ACAN: variants seen among roughly 807,000 people sequenced by gnomAD.
ACAN encodes the protein aggrecan, also known as aggrecan core protein.
In ACAN, 47 loss-of-function variants were observed where a neutral mutation model predicts 169.1. That is an observed-to-expected ratio of 0.28 (90% CI 0.22 to 0.35). The LOEUF is 0.35. Ranked by LOEUF, ACAN falls within the 10% of genes least tolerant of loss-of-function variation. The pLI is 1.00. For synonymous variants in ACAN, 1,115 were observed against 1,112.2 expected, an observed-to-expected ratio of 1.00 and a Z score of -0.05; for missense variants, 2,716 against 2,759.9, an observed-to-expected ratio of 0.98 and a Z score of 0.36.
chr15:88,817,209 T>C (rs1275676541), intron 1 of ACAN, among the ~76,000 whole-genome samples: 3 of 152,216 alleles, frequency 2.0e-5, no homozygotes, highest in Non-Finnish European at 4.4e-5. Context: ...TGGTGCGATC[T>C]TGGCTCGCTG....
intron 5 of ACAN, among the ~76,000 whole-genome samples, chr15:88,842,808 C>T (rs1896699262): frequency 6.6e-6 from 1 of 152,172 alleles, no homozygotes; most frequent in Non-Finnish European, 1.5e-5. Flanking sequence ...TTACCCCTTA[C>T]CCTTACCCCT....
chr15:88,813,931 G>C (rs778667871), intron 1 of ACAN, among the ~76,000 whole-genome samples: 5 of 152,186 alleles, frequency 3.3e-5, no homozygotes, highest in Non-Finnish European at 7.3e-5. Flanking sequence ...TGACCCTCCA[G>C]CTCCCTCTGG....
rs756133965 is a variant in ACAN, at chr15:88,858,455, G to T, written c.5870G>T (p.Gly1957Val). 2 of 1,613,544 alleles carry T rather than the reference G, an allele frequency of 1.2e-6. No homozygotes were observed. Among genetic ancestry groups the T allele is most frequent in the Admixed American group, 1.7e-5 (1 of 59,996 alleles). Residue 1957 changes from glycine (G) to valine (V), a missense_variant, in exon 12 of 19, where the codon GGG (glycine) becomes GTG (valine). Physicochemically the swap from Gly to Val is moderately radical, Grantham distance 109 (BLOSUM62 -3). This residue lies in a region of ACAN where 1,389 missense variants were observed against 1,363.7 expected (regional missense o/e 1.02). Transcript: ENST00000560601. This position sits in a 1 kb window ranked among gnomAD's most constrained non-coding sequence, Gnocchi z 4.0. ...CCAACAGCCCAAGAGGCAGGAGAAG[G>T]GCCTTCTGGCATTTTAGAACTCAGT... is the stretch of plus-strand genomic sequence containing the variant. ...QAPTAQEAGE[G>V]PSGILELSGA...
At chr15:88,824,848 C>T (rs570532677) in intron 1 of ACAN, among the ~76,000 whole-genome samples, 2 of 151,272 alleles carry the variant, frequency 1.3e-5, no homozygotes, top group Non-Finnish European at 1.5e-5. Context: ...AGGCCTTCAG[C>T]ACCACTGCAC....
rs1897084790 is a variant in ACAN, at chr15:88,857,543, C to T, written c.4958C>T (p.Pro1653Leu). ...GGCCTGCCTGACTTTAGTGGACTTCCATCTGGATTCCCAACTGTTTCCCTA... is the reference window on the plus strand; with the variant it reads ...GGCCTGCCTGACTTTAGTGGACTTCTATCTGGATTCCCAACTGTTTCCCTA... ...PSGLPDFSGL[P>L]SGFPTVSLVD... Residue 1653 changes from proline (P) to leucine (L), a missense_variant, in exon 12 of 19, where the codon CCA becomes CTA. By Grantham distance (98) the Pro-to-Leu change is moderately conservative. Coordinates refer to ENST00000560601, the MANE Select transcript of ACAN (RefSeq NM_001369268.1). 6.2e-7 allele frequency: 1 copy of T among 1,613,978 alleles called. No homozygotes were observed. The highest frequency in any genetic ancestry group is 1.3e-5 in the African/African-American group (1 of 75,072).
rs80193673 is a variant in ACAN, at chr15:88,848,316, A to G, written c.1732+278A>G. Among the ~76,000 whole-genome samples, 4,151 of 152,342 alleles carry G rather than the reference A, an allele frequency of 0.027. 196 individuals carry two copies. The highest frequency in any genetic ancestry group is 0.095 in the African/African-American group (3,955 of 41,576). On this transcript the variant is annotated intron_variant, in intron 9 of 18. Coordinates refer to ENST00000560601, the MANE Select transcript of ACAN (RefSeq NM_001369268.1). ...GCAATGAGGTCTGTGGGTAAATCTCAGTTTATTATAAATAAACGCTATATA... is the reference window on the plus strand; with the variant it reads ...GCAATGAGGTCTGTGGGTAAATCTCGGTTTATTATAAATAAACGCTATATA...
In ACAN at chr15:88,873,795, C is replaced by T; in HGVS notation, c.7448-47C>T. On this transcript the variant is annotated intron_variant, in intron 17 of 18. Coordinates refer to ENST00000560601, the MANE Select transcript of ACAN (RefSeq NM_001369268.1). The surrounding 1 kb of genome is among the most constrained non-coding windows in gnomAD (Gnocchi z 7.5). ...TCGGGTCACAACCAGCATAGGTCAT[C>T]CCAGGAGACCCTATGAGACCCTTTA... 2 of 1,593,070 alleles carry T rather than the reference C, an allele frequency of 1.3e-6. No individual in the cohort carries two copies. The highest frequency in any genetic ancestry group is 1.7e-6 in the Non-Finnish European group (2 of 1,167,010).
chr15:88,810,447 C>T (rs926770786), intron 1 of ACAN, among the ~76,000 whole-genome samples: 7 of 152,088 alleles, frequency 4.6e-5, no homozygotes, highest in East Asian at 1.9e-4. Context: ...TCGCCTCAGC[C>T]GCCGCCTCGG....
In ACAN at chr15:88,859,162, G is replaced by A. The variant is rs1023093737; in HGVS notation, c.6577G>A (p.Gly2193Arg). 4.3e-5 allele frequency: 69 copies of A among 1,613,738 alleles called. No homozygotes were observed. Among genetic ancestry groups the A allele is most frequent in the Non-Finnish European group, 5.7e-5 (67 of 1,179,906 alleles). Residue 2193 changes from glycine (G) to arginine (R), a missense_variant, in exon 12 of 19, where the codon GGA becomes AGA. Transcript: ENST00000560601. The stretch of plus-strand genomic sequence containing the variant: ...GCCTTCAGCCACTCCCACGGCTTCT[G>A]GAGACAGGACTGAAATCAGCGGAGA... ...GLPSATPTAS[G>R]DRTEISGDLS... is the part of the protein sequence containing the mutation.
chr15:88,830,750 T>C (rs987800128), intron 1 of ACAN, among the ~76,000 whole-genome samples: 4 of 152,112 alleles, frequency 2.6e-5, no homozygotes, highest in African/African-American at 4.8e-5. Context: ...AGTGACTGAG[T>C]GGTGAGTGAA....
chr15:88,863,637 A>C lies in ACAN; in HGVS notation c.6946+3198A>C, dbSNP rs79597568. The stretch of plus-strand genomic sequence containing the variant: ...GGAGGGCACGACCTTAAACTGAATC[A>C]GTTTCCTTCCTATCTTACTGCTATT... On this transcript the variant is annotated intron_variant, in intron 13 of 18. Transcript: ENST00000560601. Among the ~76,000 whole-genome samples the C allele has an allele frequency of 3.6e-3, 542 of 152,290 alleles. 4 individuals carry two copies. Among genetic ancestry groups the C allele is most frequent in the Middle Eastern group, 0.014 (4 of 294 alleles).
At chr15:88,841,038 G>T (rs534833648) in intron 4 of ACAN, among the ~76,000 whole-genome samples, 5 of 152,182 alleles carry the variant, frequency 3.3e-5, no homozygotes, top group African/African-American at 1.2e-4. Context: ...CCAGCTACTC[G>T]GGAGGCTGAG....
chr15:88,824,560 A>G (rs1896161450), intron 1 of ACAN, among the ~76,000 whole-genome samples: 1 of 152,144 alleles, frequency 6.6e-6, no homozygotes, highest in East Asian at 1.9e-4. Flanking sequence ...TGAACAAACA[A>G]AAAAGGACAA....
chr15:88,822,302 A>C (rs1896096571), intron 1 of ACAN, among the ~76,000 whole-genome samples: 1 of 152,202 alleles, frequency 6.6e-6, no homozygotes, highest in South Asian at 2.1e-4. Context: ...CAAGGGCCCA[A>C]CCTTTCTTCG....
At position 88,840,017 on chromosome 15, in the gene ACAN, G is replaced by A. The variant is rs370113313; in HGVS notation, c.460G>A (p.Val154Met). 1.9e-6 allele frequency: 3 copies of A among 1,598,904 alleles called. No homozygotes were observed. Among genetic ancestry groups the A allele is most frequent in the African/African-American group, 1.3e-5 (1 of 74,688 alleles). The change falls in exon 4 of 19, where the codon GTG becomes ATG. Residue 154 changes from valine (V) to methionine (M), a missense_variant. By Grantham distance (21) the Val-to-Met change is conservative (BLOSUM62 1). This residue lies in a region of ACAN where 1,283 missense variants were observed against 1,281.5 expected (regional missense o/e 1.00). Transcript: ENST00000560601. ...GGCGTGTATGTGTCTTGCAGGCATC[G>A]TGTTCCATTACAGAGCCATCTCTAC... ...ATLEVVVKGI[V>M]FHYRAISTRY...
In ACAN at chr15:88,859,193, C is replaced by T. The variant is rs1401931505; in HGVS notation, c.6608C>T (p.Ser2203Phe). 2 of 1,613,798 alleles carry T rather than the reference C, an allele frequency of 1.2e-6. No individual in the cohort carries two copies. Among genetic ancestry groups the T allele is most frequent in the Admixed American group, 3.3e-5 (2 of 60,010 alleles). The change falls in exon 12 of 19, where the codon TCT (serine) becomes TTT (phenylalanine). Residue 2203 changes from serine to phenylalanine, a missense_variant. By Grantham distance (155) the Ser-to-Phe change is radical. Coordinates refer to ENST00000560601, the MANE Select transcript of ACAN (RefSeq NM_001369268.1). ...GDRTEISGDL[S>F]GHTSQLGVVI... is the part of the protein sequence containing the mutation. ...AGGACTGAAATCAGCGGAGACCTGT[C>T]TGGTCACACCTCGCAGCTGGGCGTT...
At position 88,874,105 on chromosome 15, in the gene ACAN, G is replaced by T. The variant is rs752987109; in HGVS notation, c.7630+81G>T. ...CCTTCCCCCCGTCCCCTCTCCTGGG[G>T]ACCCTACACCGTCCACAGGGTTGAG... is the stretch of plus-strand genomic sequence containing the variant. On this transcript the variant is annotated intron_variant, in intron 18 of 18. Transcript: ENST00000560601. The surrounding 1 kb of genome is among the most constrained non-coding windows in gnomAD (Gnocchi z 7.3). The T allele has an allele frequency of 1.3e-6, 2 of 1,551,908 alleles. No individual in the cohort carries two copies. The highest frequency in any genetic ancestry group is 1.1e-5 in the South Asian group (1 of 87,102).
rs767359295 is a variant in ACAN at position 88,857,902 on chromosome 15, C to A, written c.5317C>A (p.Leu1773Ile). 42 of 1,613,332 alleles carry A rather than the reference C, an allele frequency of 2.6e-5. No homozygotes were observed. In the Middle Eastern group the frequency reaches 4.9e-4, roughly 19 times the overall value. ...TATTAGTGGAGAAGCATCTGGAGTTCTTTATGGCACTAGTCAACCCTTTGG... is the reference window on the plus strand; with the variant it reads ...TATTAGTGGAGAAGCATCTGGAGTTATTTATGGCACTAGTCAACCCTTTGG... ...PGISGEASGV[L>I]YGTSQPFGIT... Residue 1773 changes from leucine to isoleucine, a missense_variant, in exon 12 of 19, where the codon CTT becomes ATT. Physicochemically the swap from Leu to Ile is conservative, Grantham distance 5. Around this residue, in one of 3 missense-constraint regions of ACAN, gnomAD observed 1,389 missense variants for 1,363.7 expected, o/e 1.02. Transcript: ENST00000560601.
At position 88,859,431 on chromosome 15, in the gene ACAN, T is replaced by A. The variant is rs1334115128; in HGVS notation, c.6832+14T>A. ...CAACTGCTGCAGGTATTGTGATTTT[T>A]TCCCCCTTTAAATGTGCTTAGGTAG... On this transcript the variant is annotated intron_variant, in intron 12 of 18. Transcript: ENST00000560601. The A allele has an allele frequency of 6.4e-7, 1 of 1,552,174 alleles. No individual in the cohort carries two copies. The highest frequency in any genetic ancestry group is 1.4e-5 in the African/African-American group (1 of 73,072).
Sources: allele counts gnomAD v4.1 joint callset (sites outside exome capture counted in the v4.1 genomes callset), GRCh38; gene constraint gnomAD v4.1.1; regional missense constraint gnomAD v4.1.1; non-coding constraint Gnocchi (gnomAD v3.1); transcripts MANE v1.5; gene names NCBI Gene and HGNC (gene_info 2026-07-23, HGNC 2026-07-21).